DNAJC21: variants seen among roughly 807,000 people sequenced by gnomAD.
DNAJC21 encodes dnaJ homolog subfamily C member 21.
A neutral mutation model predicts 72.4 loss-of-function variants in DNAJC21; 63 were observed. The observed-to-expected ratio is 0.87, with a 90% CI of 0.71 to 1.07. The LOEUF (loss-of-function observed/expected upper bound fraction) is 1.07, where lower values mean the gene tolerates loss of function less well. Among genes scored for constraint, DNAJC21 ranks in the 50% least tolerant of loss-of-function variants. The pLI, the probability that DNAJC21 is intolerant of heterozygous loss-of-function variation, is 0.00. For missense variants in DNAJC21, 634 were observed against 644.8 expected (o/e 0.98, Z 0.18); for synonymous variants, 203 against 216.7 (o/e 0.94, Z 0.56).
chr5:34,941,810 A>T, intron 7 of DNAJC21, among the ~76,000 whole-genome samples: 1 of 150,856 alleles, frequency 6.6e-6, no homozygotes, highest in Non-Finnish European at 1.5e-5. Context: ...CAGGCGATCC[A>T]CCCACCTCGG....
At chr5:34,931,464 T>G (rs957053018) in intron 1 of DNAJC21, among the ~76,000 whole-genome samples, 2 of 152,222 alleles carry the variant, frequency 1.3e-5, no homozygotes, top group South Asian at 4.1e-4. Context: ...ATTCCTTGAC[T>G]TTCTAGGTGG....
At chr5:34,935,317 A>T (rs1764732772) in intron 2 of DNAJC21, among the ~76,000 whole-genome samples, 1 of 152,178 alleles carries the variant, frequency 6.6e-6, no homozygotes, top group Non-Finnish European at 1.5e-5. Flanking sequence ...AAATTTAGGA[A>T]GATTCTTATT....
chr5:34,945,705 C>A, intron 8 of DNAJC21, 56 bp from the exon 9 acceptor site: 1 of 1,419,654 alleles, frequency 7.0e-7, no homozygotes, highest in Non-Finnish European at 9.3e-7. Flanking sequence ...TTTTTTTTTT[C>A]CACTTACTCT....
In DNAJC21 at chr5:34,942,293, G is replaced by A. The variant is rs1437178217; in HGVS notation, c.983+1110G>A. Among the ~76,000 whole-genome samples the A allele has an allele frequency of 2.0e-5, 3 of 152,062 alleles. No homozygotes were observed. The East Asian group carries it at 5.8e-4, about 29-fold the overall frequency. ...AACTTTATCTTAGGGGAACAATGAT[G>A]AAGAAAGAAGTATTAAAACGGATAC... On this transcript the variant is annotated intron_variant, in intron 7 of 11. Transcript: ENST00000648817.
intron 7 of DNAJC21, among the ~76,000 whole-genome samples, chr5:34,943,582 T>C (rs1765071445): frequency 6.6e-6 from 1 of 152,260 alleles, no homozygotes; most frequent in South Asian, 2.1e-4. Flanking sequence ...ACATGTTTAA[T>C]CTGTGAGGAG....
At chr5:34,930,062 A>G (rs575276857) in intron 1 of DNAJC21, 146 bp downstream of exon 1, 4 of 516,418 alleles carry the variant, frequency 7.7e-6, no homozygotes, top group South Asian at 3.8e-5. Context: ...CAGTGCCCGG[A>G]GCCGCCCTGC....
At chr5:34,951,858 A>T (rs1375657806) in intron 10 of DNAJC21, 1 of 985,338 alleles carries the variant, frequency 1.0e-6, no homozygotes, top group East Asian at 1.1e-4. Context: ...TGATCTGGGG[A>T]GGAAGAAGGG....
intron 9 of DNAJC21, among the ~76,000 whole-genome samples, chr5:34,946,864 C>T (rs894727905): frequency 2.3e-4 from 35 of 152,184 alleles, no homozygotes; most frequent in Admixed American, 2.0e-3. Flanking sequence ...CAACCATAAA[C>T]ACATACGTTA....
At chr5:34,949,754 A>G in intron 9 of DNAJC21, 1 of 1,589,340 alleles carries the variant, frequency 6.3e-7, no homozygotes, top group Admixed American at 1.7e-5. Flanking sequence ...GTGACTGTAG[A>G]AGAATAGTTG....
At chr5:34,930,160 A>G in intron 1 of DNAJC21, 1 of 302,360 alleles carries the variant, frequency 3.3e-6, no homozygotes. Flanking sequence ...CCGCATCGCC[A>G]CTGTAGGGGG....
At chr5:34,941,539 G>A (rs936328753) in intron 7 of DNAJC21, among the ~76,000 whole-genome samples, 2 of 140,544 alleles carry the variant, frequency 1.4e-5, no homozygotes, top group Non-Finnish European at 3.1e-5. Context: ...AGTAAGTTTA[G>A]TATCTCTGAA....
intron 4 of DNAJC21, among the ~76,000 whole-genome samples, 155 bp from the exon 5 acceptor site, chr5:34,937,171 G>T (rs1561182867): frequency 2.0e-5 from 3 of 151,818 alleles, no homozygotes; most frequent in Non-Finnish European, 4.4e-5. Flanking sequence ...ATTTTTTCTG[G>T]AAAGCCTTAA....
At chr5:34,945,107 T>C (rs1280964313) in intron 8 of DNAJC21, 82 bp downstream of exon 8, 1 of 1,516,650 alleles carries the variant, frequency 6.6e-7, no homozygotes, top group East Asian at 2.3e-5. Flanking sequence ...AGATGGAGAA[T>C]CACTCTGTTG....
intron 1 of DNAJC21, among the ~76,000 whole-genome samples, chr5:34,933,006 C>T (rs947503335): frequency 8.5e-5 from 13 of 152,184 alleles, no homozygotes; most frequent in African/African-American, 2.9e-4. Context: ...AAGCTGGGTA[C>T]CACCCTGAGG....
At position 34,935,785 on chromosome 5, in the gene DNAJC21, A is replaced by G; in HGVS notation, c.267A>G (p.Leu89=). The change falls in exon 3 of 12, where the codon CTA becomes CTG. Residue 89 remains leucine, a synonymous_variant. Coordinates refer to ENST00000648817, the MANE Select transcript of DNAJC21 (RefSeq NM_001012339.3). ...ATCAAGATGACAGCTTAGATTTGCT[A>G]CGCTATTTCACCGTTACCTGTTATT... ...GEYQDDSLDL[L]RYFTVTCYSG... 3 of 1,614,066 alleles carry G rather than the reference A, an allele frequency of 1.9e-6. No individual in the cohort carries two copies. The highest frequency in any genetic ancestry group is 2.2e-5 in the East Asian group (1 of 44,848).
At chr5:34,950,112 A>T in intron 9 of DNAJC21, 58 bp from the exon 10 acceptor site, 2 of 1,509,780 alleles carry the variant, frequency 1.3e-6, no homozygotes, top group Non-Finnish European at 1.8e-6. Flanking sequence ...ACATAACATA[A>T]AAAGCTAGTA....
intron 5 of DNAJC21, 76 bp from the exon 6 acceptor site, chr5:34,938,782 A>G: frequency 7.0e-7 from 1 of 1,424,288 alleles, no homozygotes; most frequent in Non-Finnish European, 9.2e-7. Flanking sequence ...GTGGGAATGG[A>G]TTTTAAACCT....
chr5:34,944,528 T>G lies in DNAJC21; in HGVS notation c.984-339T>G, dbSNP rs537227713. ...AAAAATCAAAATAATAAGTAGAGAA[T>G]TTGTCCAAACCTCCCCCTGCCGACA... On this transcript the variant is annotated intron_variant, in intron 7 of 11. Transcript: ENST00000648817. 1.9e-4 allele frequency among the ~76,000 whole-genome samples: 29 copies of G among 151,940 alleles called. 1 individual carries two copies. Among genetic ancestry groups the G allele is most frequent in the Non-Finnish European group, 3.2e-4 (22 of 68,002 alleles).
intron 6 of DNAJC21, among the ~76,000 whole-genome samples, chr5:34,940,593 C>G (rs764676235): frequency 6.6e-6 from 1 of 151,882 alleles, no homozygotes; most frequent in Non-Finnish European, 1.5e-5. Context: ...GTAATAAAGC[C>G]AAAAGCTTAT....
Sources: allele counts gnomAD v4.1 joint callset (sites outside exome capture counted in the v4.1 genomes callset), GRCh38; gene constraint gnomAD v4.1.1; transcripts MANE v1.5; gene names NCBI Gene and HGNC (gene_info 2026-07-23, HGNC 2026-07-21).